GPR39: variants seen among roughly 807,000 people sequenced by gnomAD.
GPR39 encodes G protein-coupled receptor 39, also known as zinc sensing receptor.
In GPR39, 23 loss-of-function variants were observed where a neutral mutation model predicts 18.4. That is an observed-to-expected ratio of 1.25 (90% CI 0.90 to 1.77). GPR39 has a LOEUF of 1.77. Ranked by LOEUF, GPR39 falls within the 40% of genes most tolerant of loss-of-function variation. The pLI is 0.00. For missense variants in GPR39, 647 were observed against 602.4 expected (o/e 1.07, Z -0.78); for synonymous variants, 280 against 257.9 (o/e 1.09, Z -0.82).
intron 1 of GPR39, among the ~76,000 whole-genome samples, chr2:132,484,467 A>C (rs1334092190): frequency 6.6e-6 from 1 of 152,246 alleles, no homozygotes; most frequent in East Asian, 1.9e-4. Flanking sequence ...GGCATTTGCC[A>C]GATTAGGTGA....
intron 1 of GPR39, among the ~76,000 whole-genome samples, chr2:132,479,123 A>G (rs1350551388): frequency 6.6e-6 from 1 of 152,216 alleles, no homozygotes; most frequent in African/African-American, 2.4e-5. Flanking sequence ...AACTGATTAC[A>G]CATTAAAGTG....
rs368074528 is a variant in GPR39, at chr2:132,441,304, T to C, written c.856+23406T>C. 2.6e-5 allele frequency among the ~76,000 whole-genome samples: 4 copies of C among 152,316 alleles called. No individual in the cohort carries two copies. The East Asian group carries it at 7.7e-4, about 29-fold the overall frequency. On this transcript the variant is annotated intron_variant, in intron 1 of 1. Transcript: ENST00000329321. ...GTTCCCTGTTTACAGATACGCTGCA[T>C]TTCAAAAGTTAGCTTTCAAACTCTT...
At chr2:132,570,582 C>T (rs1680424873) in intron 1 of GPR39, among the ~76,000 whole-genome samples, 1 of 152,142 alleles carries the variant, frequency 6.6e-6, no homozygotes, top group Non-Finnish European at 1.5e-5. Flanking sequence ...CAGGTTTCTC[C>T]TATCTTAAAA....
intron 1 of GPR39, among the ~76,000 whole-genome samples, chr2:132,450,226 A>G (rs1329825745): frequency 6.6e-6 from 1 of 152,192 alleles, no homozygotes; most frequent in African/African-American, 2.4e-5. Context: ...TGGAGCTCAT[A>G]GGTCCCTAGG....
intron 1 of GPR39, among the ~76,000 whole-genome samples, chr2:132,490,247 G>C (rs1681430933): frequency 6.6e-6 from 1 of 151,878 alleles, no homozygotes; most frequent in African/African-American, 2.4e-5. Flanking sequence ...CTTCACTCTA[G>C]AGTTTGGAGA....
Position 132,646,366 on chromosome 2 carries a change from T to TC in GPR39, c.*761dup. 4.7e-6 allele frequency: 4 copies of TC among 843,710 alleles called. No homozygotes were observed. Among genetic ancestry groups the TC allele is most frequent in the Non-Finnish European group, 5.1e-6 (3 of 591,816 alleles). 52.3% of individuals were successfully genotyped at this position (843,710 alleles called of 1,614,324 possible). ...CTCAGCCCAAATCCAAACGGACAGCTCTTCCTTACTCCTCCCACAGCCCAG... is the reference window on the plus strand; with the variant it reads ...CTCAGCCCAAATCCAAACGGACAGCTCCTTCCTTACTCCTCCCACAGCCCAG... On this transcript the variant is annotated 3_prime_UTR_variant, in exon 2 of 2. Transcript: ENST00000329321.
At chr2:132,419,100 C>G (rs900817988) in intron 1 of GPR39, among the ~76,000 whole-genome samples, 2 of 152,180 alleles carry the variant, frequency 1.3e-5, no homozygotes, top group Admixed American at 6.5e-5. Context: ...TAATTTTACT[C>G]TTTATTCGAT....
chr2:132,597,580 C>T (rs537263477), intron 1 of GPR39, among the ~76,000 whole-genome samples: 176 of 152,340 alleles, frequency 1.2e-3, no homozygotes, highest in Middle Eastern at 0.01. Context: ...TCCAGAAGCA[C>T]TCTTGGAAGC....
intron 1 of GPR39, among the ~76,000 whole-genome samples, chr2:132,468,234 C>T (rs1417198380): frequency 2.0e-5 from 3 of 152,164 alleles, no homozygotes; most frequent in African/African-American, 7.2e-5. Flanking sequence ...GCAGATGCAA[C>T]AGTGAACAGT....
At chr2:132,625,885 A>G (rs1489682220) in intron 1 of GPR39, among the ~76,000 whole-genome samples, 2 of 152,138 alleles carry the variant, frequency 1.3e-5, no homozygotes, top group Admixed American at 1.3e-4. Flanking sequence ...GTGGATCACA[A>G]GGTTGGGAGA....
chr2:132,445,776 C>T (rs555063500), intron 1 of GPR39, among the ~76,000 whole-genome samples: 1 of 152,242 alleles, frequency 6.6e-6, no homozygotes, highest in Admixed American at 6.5e-5. Flanking sequence ...GATGATCTGC[C>T]TTCTAGAAAC....
At chr2:132,548,108 C>T (rs1344044001) in intron 1 of GPR39, among the ~76,000 whole-genome samples, 2 of 152,012 alleles carry the variant, frequency 1.3e-5, no homozygotes, top group African/African-American at 4.8e-5. Context: ...TCTAAATCAT[C>T]CTCCTCCCCT....
intron 1 of GPR39, among the ~76,000 whole-genome samples, chr2:132,582,097 C>T (rs977708620): frequency 3.9e-5 from 6 of 152,112 alleles, no homozygotes; most frequent in Non-Finnish European, 5.9e-5. Flanking sequence ...TGTGGCCAGC[C>T]GTCTGTCCTC....
At chr2:132,592,671 G>A (rs1271556026) in intron 1 of GPR39, among the ~76,000 whole-genome samples, 1 of 152,140 alleles carries the variant, frequency 6.6e-6, no homozygotes, top group African/African-American at 2.4e-5. Flanking sequence ...AGAAAGGAGG[G>A]TAATTAGAAA....
chr2:132,494,423 T>G (rs1681599148), intron 1 of GPR39, among the ~76,000 whole-genome samples: 1 of 152,148 alleles, frequency 6.6e-6, no homozygotes, highest in Admixed American at 6.5e-5. Flanking sequence ...TTCTCATCAT[T>G]CAGTAATGCC....
chr2:132,611,057 C>A (rs934451178), intron 1 of GPR39, among the ~76,000 whole-genome samples: 4 of 152,184 alleles, frequency 2.6e-5, no homozygotes, highest in African/African-American at 9.6e-5. Context: ...GTCCAGTCAG[C>A]CATTTCTGCC....
intron 1 of GPR39, among the ~76,000 whole-genome samples, chr2:132,533,387 G>A (rs1679679499): frequency 6.8e-6 from 1 of 147,630 alleles, no homozygotes; most frequent in African/African-American, 2.5e-5. Context: ...TCATGGGTAG[G>A]AAGAATCAAT....
intron 1 of GPR39, among the ~76,000 whole-genome samples, chr2:132,549,681 G>A (rs1233328531): frequency 6.6e-6 from 1 of 152,044 alleles, no homozygotes; most frequent in African/African-American, 2.4e-5. Context: ...CCAGCTACTC[G>A]GGAGGCTGAG....
intron 1 of GPR39, among the ~76,000 whole-genome samples, chr2:132,444,961 G>A (rs1234395511): frequency 6.6e-6 from 1 of 152,144 alleles, no homozygotes; most frequent in African/African-American, 2.4e-5. Flanking sequence ...AGCCAGATAA[G>A]ATAAGAACAC....
Sources: gnomAD v4.1 joint callset for allele counts (sites outside exome capture counted in the v4.1 genomes callset) on GRCh38, gnomAD v4.1.1 for gene constraint, MANE v1.5 for transcripts, NCBI Gene and HGNC (gene_info 2026-07-23, HGNC 2026-07-21) for gene names.